The following RAPGEF2 variants were observed in gnomAD, a reference collection of about 807,000 sequenced individuals.
RAPGEF2 encodes the protein Rap guanine nucleotide exchange factor 2.
RAPGEF2 carries 54 observed loss-of-function variants against 186.7 expected under a neutral mutation model. That is an observed-to-expected ratio of 0.29 (90% confidence interval 0.23 to 0.36). The LOEUF is 0.36. Among genes scored for constraint, RAPGEF2 ranks in the 10% least tolerant of loss-of-function variants. RAPGEF2 has a pLI of 1.00. For synonymous variants in RAPGEF2, 712 were observed against 705.9 expected (o/e 1.01, Z -0.14); for missense variants, 1,532 against 2,045.0 (o/e 0.75, Z 4.84).
chr4:159,147,934 G>A (rs1226434842), intron 1 of RAPGEF2, among the ~76,000 whole-genome samples: 1 of 152,134 alleles, frequency 6.6e-6, no homozygotes, highest in Non-Finnish European at 1.5e-5. Flanking sequence ...CTAATAAATG[G>A]CCCTCACAAA....
At chr4:159,198,405 CCTCTCTTCCT>C (rs1749042550) in intron 3 of RAPGEF2, among the ~76,000 whole-genome samples, 1 of 104,868 alleles carries the variant, frequency 9.5e-6, no homozygotes, top group Non-Finnish European at 1.8e-5. Context: ...CCTCTCTCTT[CCTCTCTTCCT>C]CTCTCTCTCT....
Position 159,341,860 on chromosome 4 carries a change from A to G in RAPGEF2, c.2831A>G (p.Lys944Arg). The stretch of plus-strand genomic sequence containing the variant: ...ATTCTCAGAGAAACAAACCAGCTGA[A>G]GAGGATGAAGATCATTAAGCATTTC... ...SEILRETNQLKRMKIIKHFIK... is the reference protein window; with the variant it reads ...SEILRETNQLRRMKIIKHFIK... The change falls in exon 20 of 30, where the codon AAG becomes AGG. Residue 944 changes from lysine (K) to arginine (R), a missense_variant. By Grantham distance (26) the Lys-to-Arg change is conservative (BLOSUM62 2). Coordinates refer to ENST00000691494, the MANE Select transcript of RAPGEF2 (RefSeq NM_001394067.2). The G allele has an allele frequency of 6.2e-7, 1 of 1,613,882 alleles. No homozygotes were observed. Among genetic ancestry groups the G allele is most frequent in the Non-Finnish European group, 8.5e-7 (1 of 1,179,870 alleles).
intron 1 of RAPGEF2, among the ~76,000 whole-genome samples, chr4:159,172,650 A>T (rs183635118): frequency 6.6e-6 from 1 of 152,184 alleles, no homozygotes; most frequent in Non-Finnish European, 1.5e-5. Context: ...TAATGCACGC[A>T]TGCTACTTCC....
intron 8 of RAPGEF2, among the ~76,000 whole-genome samples, chr4:159,308,226 T>C (rs956174377): frequency 4.6e-5 from 7 of 152,064 alleles, no homozygotes; most frequent in Non-Finnish European, 8.8e-5. Context: ...AGAGGATCCC[T>C]GTGCATCATT....
chr4:159,284,481 GACACACACACAC>G (rs36232973), intron 7 of RAPGEF2, among the ~76,000 whole-genome samples: 10,848 of 140,336 alleles, frequency 0.077, 471 homozygotes, highest in African/African-American at 0.091. Context: ...CCGCCATGGA[GACACACACACAC>G]ACACACACAC....
chr4:159,350,280 C>G lies in RAPGEF2; in HGVS notation c.3856C>G (p.Pro1286Ala). The part of the protein sequence containing the change: ...SSPPTSPQSS[P>A]RKGYTLAPSG... ...TCCTCCTACTTCTCCACAGAGTTCT[C>G]CAAGGAAAGGTAGAATTAAATTACT... The change falls in exon 26 of 30, where the codon CCA (proline) becomes GCA (alanine). Residue 1286 changes from proline to alanine, a missense_variant. Coordinates refer to ENST00000691494, the MANE Select transcript of RAPGEF2 (RefSeq NM_001394067.2). The G allele has an allele frequency of 6.4e-7, 1 of 1,562,240 alleles. No homozygotes were observed.
At chr4:159,266,730 A>G (rs1043786483) in intron 7 of RAPGEF2, among the ~76,000 whole-genome samples, 8 of 152,214 alleles carry the variant, frequency 5.3e-5, no homozygotes, top group Middle Eastern at 3.2e-3. Flanking sequence ...TAAATTTTTG[A>G]TAGATACTTG....
chr4:159,330,249 G>A, intron 12 of RAPGEF2, 85 bp from the exon 13 acceptor site: 1 of 857,690 alleles, frequency 1.2e-6, no homozygotes, highest in South Asian at 1.8e-5. Flanking sequence ...TCATATATGT[G>A]TGTGTGTATA....
intron 9 of RAPGEF2, among the ~76,000 whole-genome samples, chr4:159,315,308 T>A (rs1001056410): frequency 2.0e-5 from 3 of 152,028 alleles, no homozygotes; most frequent in Non-Finnish European, 4.4e-5. Flanking sequence ...CTTTTTTTTT[T>A]TTAATTTTTA....
At chr4:159,268,173 C>T (rs746645313) in intron 7 of RAPGEF2, 2 of 1,612,786 alleles carry the variant, frequency 1.2e-6, no homozygotes, top group Admixed American at 1.7e-5. Context: ...CACTAGCAAT[C>T]CCAGCTAACC....
intron 1 of RAPGEF2, among the ~76,000 whole-genome samples, chr4:159,182,386 C>CTTTTTTTTTTTTTTTTTTT (rs575743979): frequency 1.3e-4 from 11 of 85,674 alleles, no homozygotes; most frequent in Admixed American, 3.0e-4. Flanking sequence ...TTCTTTTCTT[C>CTTTTTTTTTTTTTTTTTTT]TTTTTTTTTT....
intron 7 of RAPGEF2, among the ~76,000 whole-genome samples, chr4:159,299,295 G>A (rs935973159): frequency 1.3e-5 from 2 of 152,080 alleles, no homozygotes; most frequent in African/African-American, 4.8e-5. Flanking sequence ...GTGGTTCCAA[G>A]ATTAGTTTGG....
At position 159,341,691 on chromosome 4, in the gene RAPGEF2, A is replaced by C. The variant is rs555035867; in HGVS notation, c.2662A>C (p.Met888Leu). Reference protein sequence around the residue: ...STVEVATQLSMRNFELFRNIE... With the variant: ...STVEVATQLSLRNFELFRNIE... ...TGTGGAAGTTGCAACACAGCTCTCT[A>C]TGCGAAATTTTGAACTCTTTCGCAA... The change falls in exon 20 of 30, where the codon ATG (methionine) becomes CTG (leucine). Residue 888 changes from methionine (M) to leucine (L), a missense_variant. Met to Leu is a conservative substitution (Grantham distance 15, BLOSUM62 2). Transcript: ENST00000691494. The C allele has an allele frequency of 4.3e-6, 7 of 1,613,978 alleles. No individual in the cohort carries two copies. Among genetic ancestry groups the C allele is most frequent in the South Asian group, 1.1e-5 (1 of 91,078 alleles).
At position 159,186,566 on chromosome 4, in the gene RAPGEF2, T is replaced by G. The variant is rs928423051; in HGVS notation, c.70-76T>G. The stretch of plus-strand genomic sequence containing the variant: ...GCTATCCATAGTTTAATTTGGTTTG[T>G]AGATACAGTGTGACTTATTTTAGAA... On this transcript the variant is annotated intron_variant, in intron 1 of 29. Coordinates refer to ENST00000691494, the MANE Select transcript of RAPGEF2 (RefSeq NM_001394067.2). 3 of 681,902 alleles carry G rather than the reference T, an allele frequency of 4.4e-6. No individual in the cohort carries two copies. In the African/African-American group the frequency reaches 5.6e-5, roughly 13 times the overall value. The allele number at this position is 681,902 out of a possible 1,614,324, so 42.2% of individuals were successfully genotyped here.
intron 1 of RAPGEF2, among the ~76,000 whole-genome samples, chr4:159,104,527 G>GACAGAGA (rs1560964822): frequency 1.1e-5 from 1 of 88,444 alleles, no homozygotes; most frequent in African/African-American, 4.5e-5. Context: ...AGAGAGAGAG[G>GACAGAGA]GAGAGACAGA....
intron 20 of RAPGEF2, among the ~76,000 whole-genome samples, chr4:159,342,546 ATTT>A (rs1454736863): frequency 9.6e-4 from 108 of 112,682 alleles, no homozygotes; most frequent in African/African-American, 2.0e-3. Flanking sequence ...ATTTTATTTT[ATTT>A]TATATTATTT....
intron 1 of RAPGEF2, among the ~76,000 whole-genome samples, chr4:159,185,714 G>T (rs1747488105): frequency 1.3e-5 from 2 of 151,900 alleles, no homozygotes; most frequent in Admixed American, 6.6e-5. Context: ...TTGTTTTTTT[G>T]GGTTGGTGAA....
intron 7 of RAPGEF2, among the ~76,000 whole-genome samples, chr4:159,268,796 A>C (rs749782538): frequency 2.0e-5 from 3 of 152,112 alleles, no homozygotes; most frequent in Non-Finnish European, 2.9e-5. Flanking sequence ...TCATGCTGAA[A>C]TCCCATGGGC....
intron 7 of RAPGEF2, among the ~76,000 whole-genome samples, chr4:159,262,135 G>T (rs115987419): frequency 0.011 from 1,654 of 152,252 alleles, 33 homozygotes; most frequent in African/African-American, 0.038. Flanking sequence ...TTCATTCTTT[G>T]AACAACCACT....
Sources: gnomAD v4.1 joint callset for allele counts (sites outside exome capture counted in the v4.1 genomes callset) on GRCh38, gnomAD v4.1.1 for gene constraint, MANE v1.5 for transcripts, NCBI Gene and HGNC (gene_info 2026-07-23, HGNC 2026-07-21) for gene names.